LARGE1: variants seen among roughly 807,000 people sequenced by gnomAD.
LARGE1 encodes the protein LARGE xylosyl- and glucuronyltransferase 1.
LARGE1 carries 43 observed loss-of-function variants against 87.6 expected under a neutral mutation model. The ratio of observed to expected loss-of-function variants is 0.49; its 90% CI spans 0.38 to 0.63. LARGE1 has a LOEUF of 0.63. Ranked by LOEUF, LARGE1 falls within the 30% of genes least tolerant of loss-of-function variation. The pLI, the probability that LARGE1 is intolerant of heterozygous loss-of-function variation, is 0.00. For synonymous variants in LARGE1, 434 were observed against 394.6 expected, an observed-to-expected ratio of 1.10 and a Z score of -1.18; for missense variants, 802 against 1,000.2, an observed-to-expected ratio of 0.80 and a Z score of 2.67.
intron 6 of LARGE1, among the ~76,000 whole-genome samples, chr22:33,486,436 G>C (rs2069577166): frequency 6.6e-6 from 1 of 152,120 alleles, no homozygotes; most frequent in African/African-American, 2.4e-5. Context: ...ATCAGCACAG[G>C]AATCTCAAAC....
At chr22:33,847,623 T>G (rs551315888) in intron 1 of LARGE1, among the ~76,000 whole-genome samples, 12 of 152,278 alleles carry the variant, frequency 7.9e-5, no homozygotes, top group Non-Finnish European at 1.6e-4. Flanking sequence ...TTAAATCCAG[T>G]CCACTTCTAA....
intron 11 of LARGE1, among the ~76,000 whole-genome samples, chr22:33,213,673 A>T (rs1165078937): frequency 1.3e-5 from 2 of 152,244 alleles, no homozygotes; most frequent in Admixed American, 1.3e-4. Context: ...GGCAATAAAA[A>T]TTTAAAGTAT....
intron 2 of LARGE1, among the ~76,000 whole-genome samples, chr22:33,742,837 A>G (rs2083937089): frequency 1.3e-5 from 2 of 151,882 alleles, no homozygotes. Context: ...AGCTCACCTC[A>G]CTATTGGATG....
intron 11 of LARGE1, among the ~76,000 whole-genome samples, chr22:33,227,910 C>T (rs886373478): frequency 2.6e-5 from 4 of 152,182 alleles, no homozygotes; most frequent in African/African-American, 9.6e-5. Flanking sequence ...CATCTATTTG[C>T]TCATAGTCAG....
rs182055032 is a variant in LARGE1 at position 33,492,907 on chromosome 22, C to T, written c.788-60642G>A. On this transcript the variant is annotated intron_variant, in intron 6 of 14. Coordinates refer to ENST00000397394, the MANE Select transcript of LARGE1 (RefSeq NM_133642.5). ...GGAGGGAGGAGGGAAATGCGGGCGG[C>T]GGGTGGGCAATGCGCACCCTGTTTT... Among the ~76,000 whole-genome samples the T allele has an allele frequency of 3.5e-3, 535 of 152,178 alleles. 5 individuals carry two copies. Among genetic ancestry groups the T allele is most frequent in the South Asian group, 0.023 (113 of 4,818 alleles).
intron 2 of LARGE1, among the ~76,000 whole-genome samples, chr22:33,661,012 AT>A (rs11356403): frequency 0.02 from 2,938 of 147,548 alleles, 72 homozygotes; most frequent in African/African-American, 0.059. Context: ...ATGAGGTTTG[AT>A]TTTTTTTTTT....
intron 7 of LARGE1, 60 bp from the exon 8 acceptor site, chr22:33,384,364 C>T: frequency 1.1e-6 from 1 of 899,794 alleles, no homozygotes; most frequent in Non-Finnish European, 1.7e-6. Flanking sequence ...GAGAGCTAGG[C>T]ACACCTACTC....
At chr22:33,384,041 T>C in intron 8 of LARGE1, 151 bp downstream of exon 8, 1 of 731,560 alleles carries the variant, frequency 1.4e-6, no homozygotes, top group Non-Finnish European at 2.5e-6. Flanking sequence ...AGCTGTTGTC[T>C]TAGACTGGCA....
rs1441097931 is a variant in LARGE1 at position 33,461,094 on chromosome 22, C to A, written c.788-28829G>T. Among the ~76,000 whole-genome samples the A allele has an allele frequency of 2.0e-5, 3 of 152,248 alleles. No individual in the cohort carries two copies. The South Asian group carries it at 6.2e-4, about 32-fold the overall frequency. On this transcript the variant is annotated intron_variant, in intron 6 of 14. Coordinates refer to ENST00000397394, the MANE Select transcript of LARGE1 (RefSeq NM_133642.5). Reference sequence around the variant, plus strand: ...GCAGAAGTAACAATGAATTCAACCCCAGAAGACTGATAAAATCATCATGTA... The same window carrying A: ...GCAGAAGTAACAATGAATTCAACCCAAGAAGACTGATAAAATCATCATGTA...
At chr22:33,471,792 T>C (rs1205320054) in intron 6 of LARGE1, among the ~76,000 whole-genome samples, 1 of 152,068 alleles carries the variant, frequency 6.6e-6, no homozygotes, top group African/African-American at 2.4e-5. Context: ...CCCAGCACTT[T>C]GGGAGGCCGA....
intron 1 of LARGE1, among the ~76,000 whole-genome samples, chr22:33,847,037 T>A (rs1265550263): frequency 6.6e-6 from 1 of 152,282 alleles, no homozygotes; most frequent in East Asian, 1.9e-4. Flanking sequence ...CTTTTGAAAC[T>A]CCCTAATAAA....
the LARGE1 span, among the ~76,000 whole-genome samples, chr22:33,147,080 G>C: frequency 5.1e-4 from 77 of 152,280 alleles, no homozygotes; most frequent in African/African-American, 1.8e-3. Flanking sequence ...CAGTAGTGTA[G>C]TATTTCATTG....
chr22:33,307,389 G>T (rs1283268087), intron 11 of LARGE1, among the ~76,000 whole-genome samples: 2 of 152,100 alleles, frequency 1.3e-5, no homozygotes, highest in African/African-American at 2.4e-5. Context: ...CTATGGATTG[G>T]GGTTAGGCTG....
At chr22:33,314,940 G>T (rs574853420) in intron 11 of LARGE1, among the ~76,000 whole-genome samples, 56 of 152,210 alleles carry the variant, frequency 3.7e-4, no homozygotes, top group African/African-American at 1.2e-3. Context: ...ATAGGTGCAG[G>T]GGCTCACACT....
At position 33,505,388 on chromosome 22, in the gene LARGE1, T is replaced by C. The variant is rs189894385; in HGVS notation, c.787+59460A>G. On this transcript the variant is annotated intron_variant, in intron 6 of 14. Transcript: ENST00000397394. ...CATTATCGTAGTAGAGATGAGAGGA[T>C]CCAAATGGGCTTTACTAATCCTCTG... 6.1e-3 allele frequency among the ~76,000 whole-genome samples: 928 copies of C among 152,264 alleles called. 10 individuals are homozygous for C. Among genetic ancestry groups the C allele is most frequent in the Admixed American group, 0.021 (319 of 15,300 alleles).
chr22:33,573,364 A>G (rs559506628), intron 5 of LARGE1, among the ~76,000 whole-genome samples: 7 of 151,768 alleles, frequency 4.6e-5, no homozygotes, highest in Admixed American at 3.9e-4. Flanking sequence ...ACTTGAACCC[A>G]GGAGGTGGGG....
intron 9 of LARGE1, among the ~76,000 whole-genome samples, chr22:33,343,816 G>A (rs1163829265): frequency 1.3e-5 from 2 of 152,138 alleles, no homozygotes; most frequent in African/African-American, 4.8e-5. Flanking sequence ...CAGTATATTA[G>A]TCAGGGTTCT....
intron 6 of LARGE1, among the ~76,000 whole-genome samples, chr22:33,513,908 T>G (rs2071174532): frequency 6.6e-6 from 1 of 151,474 alleles, no homozygotes; most frequent in East Asian, 2.0e-4. Context: ...TGTGGTCCCA[T>G]AAGATTATGA....
intron 5 of LARGE1, chr22:33,572,274 T>A: frequency 5.6e-6 from 6 of 1,075,662 alleles, no homozygotes; most frequent in South Asian, 1.5e-5. Context: ...AGTGGTTGTC[T>A]TGGCAACCAA....
Sources: allele counts gnomAD v4.1 joint callset (sites outside exome capture counted in the v4.1 genomes callset), GRCh38; gene constraint gnomAD v4.1.1; transcripts MANE v1.5; gene names NCBI Gene and HGNC (gene_info 2026-07-23, HGNC 2026-07-21).